CATSPER3: variants seen among roughly 807,000 people sequenced by gnomAD.
CATSPER3 encodes the protein cation channel sperm-associated protein 3.
In CATSPER3, 23 loss-of-function variants were observed where a neutral mutation model predicts 36.6. That is an observed-to-expected ratio of 0.63 (90% CI 0.45 to 0.89). CATSPER3 has a LOEUF of 0.89. Among genes scored for constraint, CATSPER3 ranks in the 40% least tolerant of loss-of-function variants. CATSPER3 has a pLI of 0.00. For synonymous variants in CATSPER3, 172 were observed against 184.1 expected, an observed-to-expected ratio of 0.93 and a Z score of 0.53; for missense variants, 474 against 503.9, an observed-to-expected ratio of 0.94 and a Z score of 0.57.
Position 135,010,252 on chromosome 5 carries a change from C to T in CATSPER3, c.937-121C>T, listed in dbSNP as rs1267631524. On this transcript the variant is annotated intron_variant, in intron 6 of 7. Coordinates refer to ENST00000282611, the MANE Select transcript of CATSPER3 (RefSeq NM_178019.3). ...GGATGAAGTTGTGACAAGGCTGAAGCTTCCTTCCAGGACCAGGGTCAGGCC... is the reference window on the plus strand; with the variant it reads ...GGATGAAGTTGTGACAAGGCTGAAGTTTCCTTCCAGGACCAGGGTCAGGCC... 5.8e-6 allele frequency: 5 copies of T among 868,818 alleles called. No homozygotes were observed. The Admixed American group carries it at 9.0e-5, about 16-fold the overall frequency. The allele number at this position is 868,818 out of a possible 1,614,324, so 53.8% of individuals were successfully genotyped here.
At chr5:134,992,142 AGAC>A (rs1264031583) in intron 2 of CATSPER3, among the ~76,000 whole-genome samples, 1 of 152,146 alleles carries the variant, frequency 6.6e-6, no homozygotes, top group Non-Finnish European at 1.5e-5. Flanking sequence ...AAAAGTGAAA[AGAC>A]AATCCATAGA....
intron 2 of CATSPER3, among the ~76,000 whole-genome samples, chr5:134,993,623 A>G (rs1025782422): frequency 1.3e-5 from 2 of 152,222 alleles, no homozygotes; most frequent in Non-Finnish European, 2.9e-5. Flanking sequence ...AAGTCTAACA[A>G]TTTTATGCCA....
chr5:134,997,021 C>T (rs1751958807), intron 3 of CATSPER3, among the ~76,000 whole-genome samples: 4 of 152,242 alleles, frequency 2.6e-5, no homozygotes, highest in Admixed American at 1.3e-4. Context: ...TTGCTGAAAA[C>T]CATGACCAAC....
At chr5:134,990,870 CA>C (rs1350270288) in intron 2 of CATSPER3, among the ~76,000 whole-genome samples, 1 of 152,200 alleles carries the variant, frequency 6.6e-6, no homozygotes, top group Admixed American at 6.5e-5. Context: ...CATATACTCA[CA>C]TACACACAAG....
chr5:134,975,568 G>C (rs1278999037), intron 2 of CATSPER3, among the ~76,000 whole-genome samples: 2 of 152,202 alleles, frequency 1.3e-5, no homozygotes, highest in African/African-American at 4.8e-5. Flanking sequence ...AGCCATGATT[G>C]CACCACTGCA....
chr5:134,968,646 GCA>G, intron 1 of CATSPER3: 2 of 150,910 alleles, frequency 1.3e-5, no homozygotes, highest in Non-Finnish European at 2.9e-5. Context: ...AGCCAAGATT[GCA>G]CCACTGCACT....
intron 2 of CATSPER3, chr5:134,995,765 C>A: frequency 5.0e-6 from 1 of 199,020 alleles, no homozygotes; most frequent in South Asian, 1.0e-4. Context: ...AAAAACAAAG[C>A]CATTAGAGTT....
At chr5:134,985,305 T>C (rs1329226499) in intron 2 of CATSPER3, among the ~76,000 whole-genome samples, 1 of 152,214 alleles carries the variant, frequency 6.6e-6, no homozygotes, top group African/African-American at 2.4e-5. Flanking sequence ...AGGGTATTAT[T>C]CTAAGTGCAG....
chr5:135,007,881 G>C, intron 3 of CATSPER3, 76 bp from the exon 4 acceptor site: 1 of 1,226,338 alleles, frequency 8.2e-7, no homozygotes, highest in Non-Finnish European at 1.2e-6. Context: ...TGTGAACTGG[G>C]CAGAATGGAC....
chr5:134,996,092 C>T (rs1206360792), intron 2 of CATSPER3, among the ~76,000 whole-genome samples, 181 bp from the exon 3 acceptor site: 2 of 152,164 alleles, frequency 1.3e-5, no homozygotes, highest in African/African-American at 4.8e-5. Flanking sequence ...GTAGGGAGGA[C>T]AGAGAAGGGG....
At chr5:134,987,548 C>A (rs1751826719) in intron 2 of CATSPER3, among the ~76,000 whole-genome samples, 1 of 152,058 alleles carries the variant, frequency 6.6e-6, no homozygotes, top group South Asian at 2.1e-4. Context: ...AATATAGATA[C>A]AAAAATTGTC....
chr5:134,981,729 A>G (rs1014582904), intron 2 of CATSPER3, among the ~76,000 whole-genome samples: 11 of 152,262 alleles, frequency 7.2e-5, no homozygotes, highest in African/African-American at 2.7e-4. Context: ...TCAACAAAAT[A>G]TTATAAAGCA....
intron 2 of CATSPER3, among the ~76,000 whole-genome samples, chr5:134,974,148 C>G (rs2149545449): frequency 6.6e-6 from 1 of 152,170 alleles, no homozygotes; most frequent in South Asian, 2.1e-4. Context: ...TCTAATCTTG[C>G]CAAAGAGATC....
intron 2 of CATSPER3, among the ~76,000 whole-genome samples, chr5:134,995,277 C>T (rs914755864): frequency 6.6e-6 from 1 of 152,126 alleles, no homozygotes; most frequent in Non-Finnish European, 1.5e-5. Flanking sequence ...ACCAACCTCT[C>T]TTCATCCCCT....
At chr5:134,985,367 GCTA>G (rs1751795932) in intron 2 of CATSPER3, among the ~76,000 whole-genome samples, 1 of 152,166 alleles carries the variant, frequency 6.6e-6, no homozygotes, top group Non-Finnish European at 1.5e-5. Context: ...ATAAGTGGGA[GCTA>G]AACTGTGGGT....
chr5:135,003,639 A>G lies in CATSPER3; in HGVS notation c.493-4318A>G, dbSNP rs144290717. Among the ~76,000 whole-genome samples, 274 of 152,318 alleles carry G rather than the reference A, an allele frequency of 1.8e-3. 12 individuals carry two copies. In the East Asian group the frequency reaches 0.046, roughly 25 times the overall value. ...CCCAGCCGCTTTGTTTACCTACTCA[A>G]GCCTCAGCAATGGCAGGCGCCCATC... On this transcript the variant is annotated intron_variant, in intron 3 of 7. Coordinates refer to ENST00000282611, the MANE Select transcript of CATSPER3 (RefSeq NM_178019.3).
intron 2 of CATSPER3, among the ~76,000 whole-genome samples, chr5:134,970,731 T>C (rs940082212): frequency 1.3e-5 from 2 of 150,424 alleles, no homozygotes; most frequent in Non-Finnish European, 3.0e-5. Flanking sequence ...ACCATCATGC[T>C]TGGGTAATTT....
At chr5:135,008,200 G>T in intron 4 of CATSPER3, 61 bp downstream of exon 4, 1 of 1,400,630 alleles carries the variant, frequency 7.1e-7, no homozygotes, top group Non-Finnish European at 1.0e-6. Flanking sequence ...CCTAGGTGGT[G>T]CAAGCGTGTG....
At chr5:134,975,279 A>G (rs1751658851) in intron 2 of CATSPER3, 1 of 152,144 alleles carries the variant, frequency 6.6e-6, no homozygotes, top group African/African-American at 2.4e-5. Context: ...CCTCTGGCTA[A>G]CCTTGAGGCT....
Sources: allele counts gnomAD v4.1 joint callset (sites outside exome capture counted in the v4.1 genomes callset), GRCh38; gene constraint gnomAD v4.1.1; transcripts MANE v1.5; gene names NCBI Gene and HGNC (gene_info 2026-07-23, HGNC 2026-07-21).